AKAP12: variants seen among roughly 807,000 people sequenced by gnomAD.
The protein encoded by AKAP12 is A-kinase anchor protein 12.
A neutral mutation model predicts 79.9 loss-of-function variants in AKAP12; 32 were observed. That is an observed-to-expected ratio of 0.40 (90% CI 0.30 to 0.54). The LOEUF (loss-of-function observed/expected upper bound fraction) is 0.54. Among genes scored for constraint, AKAP12 ranks in the 20% least tolerant of loss-of-function variants. The pLI is 0.48. For synonymous variants in AKAP12, 808 were observed against 857.0 expected (o/e 0.94, Z 1.00); for missense variants, 2,074 against 2,177.0 (o/e 0.95, Z 0.94).
intron 4 of AKAP12, 90 bp downstream of exon 4, chr6:151,353,842 A>C (rs977761287): frequency 1.2e-6 from 1 of 834,304 alleles, no homozygotes; most frequent in Non-Finnish European, 1.9e-6. Flanking sequence ...CAAATAATTA[A>C]TGCCTTCGTG....
chr6:151,349,050 T>G lies in AKAP12; in HGVS notation c.659T>G (p.Leu220Arg). 1 of 1,612,686 alleles carries G rather than the reference T, an allele frequency of 6.2e-7. No individual in the cohort carries two copies. Among genetic ancestry groups the G allele is most frequent in the East Asian group, 2.2e-5 (1 of 44,840 alleles). Residue 220 changes from leucine to arginine, a missense_variant, in exon 4 of 5, where the codon CTT becomes CGT. By Grantham distance (102) the Leu-to-Arg change is moderately radical (BLOSUM62 -2). This residue lies in a region of AKAP12 where 1,428 missense variants were observed against 1,451.0 expected (regional missense o/e 0.98). Transcript: ENST00000402676. ...GCTGGCGACCACAAGGACCCCAGCC[T>G]TGGGGCTGGAGAAGCAGCATCCAAA... is the stretch of plus-strand genomic sequence containing the variant. ...AGAGDHKDPSLGAGEAASKES... is the reference protein window; with the variant it reads ...AGAGDHKDPSRGAGEAASKES...
chr6:151,334,573 C>T (rs1205857230), intron 3 of AKAP12, among the ~76,000 whole-genome samples: 2 of 148,778 alleles, frequency 1.3e-5, no homozygotes, highest in East Asian at 2.1e-4. Context: ...CCAGCCTGGG[C>T]GACAGAGCAA....
In AKAP12 at chr6:151,305,763, G is replaced by T; in HGVS notation, c.179G>T (p.Gly60Val). ...DPATKLLQKNGQLSTINGVAE... is the reference protein window; with the variant it reads ...DPATKLLQKNVQLSTINGVAE... ...TTTCCATAGCTCCTACAGAAGAATG[G>T]TCAGCTGTCCACCATCAATGGCGTA... The change falls in exon 3 of 5, where the codon GGT becomes GTT. Residue 60 changes from glycine to valine, a missense_variant. By Grantham distance (109) the Gly-to-Val change is moderately radical. Coordinates refer to ENST00000402676, the MANE Select transcript of AKAP12 (RefSeq NM_005100.4). 1 of 1,612,444 alleles carries T rather than the reference G, an allele frequency of 6.2e-7. No homozygotes were observed.
chr6:151,278,951 G>A (rs552437549), intron 2 of AKAP12, among the ~76,000 whole-genome samples: 14 of 152,340 alleles, frequency 9.2e-5, no homozygotes, highest in Admixed American at 2.6e-4. Flanking sequence ...ACAGGCATGA[G>A]CCACCGCGCC....
Position 151,349,252 on chromosome 6 carries a change from C to G in AKAP12, c.861C>G (p.Pro287=), listed in dbSNP as rs914772976. Residue 287 remains proline (P), a synonymous_variant, in exon 4 of 5, where the codon CCC becomes CCG. Transcript: ENST00000402676. ...PSKSAESPTS[P]VTSETGSTFK... ...AGTCTGCAGAATCTCCGACTAGTCC[C>G]GTGACCAGTGAAACAGGATCAACCT... 3 of 1,613,566 alleles carry G rather than the reference C, an allele frequency of 1.9e-6. No individual in the cohort carries two copies. Among genetic ancestry groups the G allele is most frequent in the Non-Finnish European group, 2.5e-6 (3 of 1,179,930 alleles).
At chr6:151,263,638 G>T (rs9478997) in intron 2 of AKAP12, among the ~76,000 whole-genome samples, 9,510 of 151,878 alleles carry the variant, frequency 0.063, 369 homozygotes, top group Non-Finnish European at 0.096. Context: ...GAGTGCAATG[G>T]CGTGATCTCT....
Position 151,350,053 on chromosome 6 carries a change from T to C in AKAP12, c.1662T>C (p.Ser554=), listed in dbSNP as rs141283071. The C allele has an allele frequency of 3.5e-5, 56 of 1,613,970 alleles. No individual in the cohort carries two copies. In the African/African-American group the frequency reaches 4.1e-4, roughly 12 times the overall value. The stretch of plus-strand genomic sequence containing the variant: ...AGCACACTCAGGTTCCAGCCGATTC[T>C]CCGGACAGCCAGGAGGAGCAAAAGG... ...SGEHTQVPAD[S]PDSQEEQKGE... is the part of the protein sequence containing the mutation. The change falls in exon 4 of 5, where the codon TCT becomes TCC. Residue 554 remains serine (S), a synonymous_variant. Transcript: ENST00000402676. This position sits in a 1 kb window ranked among gnomAD's most constrained non-coding sequence, Gnocchi z 4.8.
intron 2 of AKAP12, among the ~76,000 whole-genome samples, chr6:151,284,107 C>A (rs1240806297): frequency 1.3e-5 from 2 of 152,172 alleles, no homozygotes; most frequent in Non-Finnish European, 2.9e-5. Context: ...TAACCCTCTC[C>A]CAGGTCAGGT....
At chr6:151,305,302 CT>C (rs1776955219) in intron 2 of AKAP12, among the ~76,000 whole-genome samples, 1 of 152,076 alleles carries the variant, frequency 6.6e-6, no homozygotes, top group Non-Finnish European at 1.5e-5. Context: ...AAAAGTCTGC[CT>C]TCTGACTTGT....
chr6:151,295,000 TCTG>T (rs1776693391), intron 2 of AKAP12, among the ~76,000 whole-genome samples: 1 of 152,214 alleles, frequency 6.6e-6, no homozygotes, highest in African/African-American at 2.4e-5. Context: ...TCTGCTTAAC[TCTG>T]TCTGCGTCAG....
At chr6:151,312,197 G>A (rs373934643) in intron 3 of AKAP12, among the ~76,000 whole-genome samples, 3 of 152,152 alleles carry the variant, frequency 2.0e-5, no homozygotes, top group Non-Finnish European at 2.9e-5. Flanking sequence ...AAGCCCAGGT[G>A]CGGTGACTTA....
chr6:151,339,402 T>C (rs1319096316), intron 3 of AKAP12, among the ~76,000 whole-genome samples: 1 of 152,238 alleles, frequency 6.6e-6, no homozygotes, highest in Non-Finnish European at 1.5e-5. Context: ...GGTCAAGTCA[T>C]ATGACCGTTT....
rs1491403529 is a variant in AKAP12, at chr6:151,319,483, ATC to A, written c.319+13582_319+13583del. Reference sequence around the variant, plus strand: ...TATCTATCTATCTATCTATCTATCTATCTACTATCTATAACTATCTAGATATA... The same window carrying A: ...TATCTATCTATCTATCTATCTATCTATACTATCTATAACTATCTAGATATA... On this transcript the variant is annotated intron_variant, in intron 3 of 4. Transcript: ENST00000402676. 8.6e-3 allele frequency among the ~76,000 whole-genome samples: 1,202 copies of A among 139,412 alleles called. 24 individuals are homozygous for A. The highest frequency in any genetic ancestry group is 0.036 in the African/African-American group (1,142 of 32,074). The allele number at this position is 139,412 out of a possible 152,430, so 91.5% of individuals were successfully genotyped here. A position where few individuals can be genotyped will look rare whatever the true frequency, so the allele number is the denominator to read the frequency against.
At chr6:151,304,348 G>T (rs1275158570) in intron 2 of AKAP12, among the ~76,000 whole-genome samples, 1 of 151,330 alleles carries the variant, frequency 6.6e-6, no homozygotes, top group Non-Finnish European at 1.5e-5. Context: ...AATTAGCCAG[G>T]CATGGTGGTG....
intron 2 of AKAP12, among the ~76,000 whole-genome samples, chr6:151,266,536 G>A (rs532318595): frequency 1.3e-5 from 2 of 152,290 alleles, no homozygotes; most frequent in East Asian, 3.9e-4. Flanking sequence ...CAATTCCTGT[G>A]CATTTTAGAA....
At chr6:151,319,513 T>TGG (rs1777318818) in intron 3 of AKAP12, 1 of 107,470 alleles carries the variant, frequency 9.3e-6, no homozygotes, top group African/African-American at 4.9e-5. Flanking sequence ...TAGATATAGA[T>TGG]ATATCTCTAT....
At chr6:151,329,400 G>A (rs115081590) in intron 3 of AKAP12, among the ~76,000 whole-genome samples, 160 of 152,160 alleles carry the variant, frequency 1.1e-3, no homozygotes, top group Middle Eastern at 3.4e-3. Context: ...CACCACGCCC[G>A]GCCAAAAAAA....
At chr6:151,249,214 A>T (rs577045872) in intron 2 of AKAP12, among the ~76,000 whole-genome samples, 1 of 152,348 alleles carries the variant, frequency 6.6e-6, no homozygotes, top group East Asian at 1.9e-4. Context: ...AGTTTATGGC[A>T]TTTGACTGGT....
intron 2 of AKAP12, among the ~76,000 whole-genome samples, chr6:151,260,786 G>A (rs963471118): frequency 2.0e-5 from 3 of 152,068 alleles, no homozygotes; most frequent in Non-Finnish European, 4.4e-5. Flanking sequence ...CTGAGGTCAG[G>A]AGTTCGAGAC....
Sources: allele counts gnomAD v4.1 joint callset (sites outside exome capture counted in the v4.1 genomes callset), GRCh38; gene constraint gnomAD v4.1.1; regional missense constraint gnomAD v4.1.1; non-coding constraint Gnocchi (gnomAD v3.1); transcripts MANE v1.5; gene names NCBI Gene and HGNC (gene_info 2026-07-23, HGNC 2026-07-21).